Variants in TET3 observed in about 807,000 individuals in gnomAD.
The protein encoded by TET3 is methylcytosine dioxygenase TET3.
TET3 carries 19 observed loss-of-function variants against 141.4 expected under a neutral mutation model. The observed-to-expected ratio is 0.13, with a 90% CI of 0.09 to 0.20. The LOEUF is 0.20. TET3 is among the 10% of genes least tolerant of loss of function. TET3 has a pLI of 1.00. For missense variants in TET3, 1,874 were observed against 2,356.9 expected, an observed-to-expected ratio of 0.80 and a Z score of 4.24; for synonymous variants, 1,043 against 980.9, an observed-to-expected ratio of 1.06 and a Z score of -1.18.
chr2:74,046,850 T>TTC lies in TET3; in HGVS notation c.933_934insTC (p.Glu312SerfsTer34). The stretch of plus-strand genomic sequence containing the variant: ...GGCTCCCAGGGCCTCTGCCTCCTGG[T>TTC]GAGGCCGGCCTCCCAGCACCAAGCA... On this transcript the variant is annotated frameshift_variant, in exon 4 of 12. Transcript: ENST00000409262. LOFTEE classifies it high-confidence loss of function. This position sits in a 1 kb window ranked among gnomAD's most constrained non-coding sequence, Gnocchi z 4.3. 6.2e-7 allele frequency: 1 copy of TTC among 1,613,396 alleles called. No individual in the cohort carries two copies.
At chr2:74,124,017 G>T in the TET3 span, among the ~76,000 whole-genome samples, 1 of 149,630 alleles carries the variant, frequency 6.7e-6, no homozygotes, top group African/African-American at 2.5e-5. Context: ...GAGCCCCTCC[G>T]CCCGGCAGCC....
chr2:74,026,151 A>C, intron 3 of TET3, among the ~76,000 whole-genome samples: 1 of 147,134 alleles, frequency 6.8e-6, no homozygotes, highest in Non-Finnish European at 1.5e-5. Context: ...ACCCCACCCT[A>C]CCCCACCCAT....
chr2:73,988,357 C>A (rs1377784413), intron 2 of TET3, among the ~76,000 whole-genome samples: 1 of 152,158 alleles, frequency 6.6e-6, no homozygotes, highest in Non-Finnish European at 1.5e-5. Context: ...TTACTCGGTT[C>A]CTCCCATAAT....
At chr2:74,115,472 T>G in the TET3 span, among the ~76,000 whole-genome samples, 8 of 152,270 alleles carry the variant, frequency 5.3e-5, no homozygotes, top group Admixed American at 5.2e-4. Context: ...GGGGACAATG[T>G]AGACTATTCG....
chr2:74,116,177 C>T, the TET3 span, among the ~76,000 whole-genome samples: 1 of 152,096 alleles, frequency 6.6e-6, no homozygotes, highest in Admixed American at 6.5e-5. Context: ...CATGTCATCT[C>T]AGGATAGCTA....
At chr2:74,036,025 G>A (rs945903822) in intron 3 of TET3, among the ~76,000 whole-genome samples, 1 of 152,126 alleles carries the variant, frequency 6.6e-6, no homozygotes, top group African/African-American at 2.4e-5. Context: ...TCAAAAAAAA[G>A]TTCTTGCTAA....
intron 6 of TET3, among the ~76,000 whole-genome samples, chr2:74,081,729 T>C: frequency 6.6e-6 from 1 of 152,264 alleles, no homozygotes; most frequent in East Asian, 1.9e-4. Flanking sequence ...ACAACATGTG[T>C]AGGACGTATG....
In TET3 at chr2:74,107,387, G is replaced by A. The variant is rs1471551761; in HGVS notation, c.*5211G>A. 1.3e-5 allele frequency: 2 copies of A among 152,234 alleles called. No homozygotes were observed. Among genetic ancestry groups the A allele is most frequent in the Non-Finnish European group, 2.9e-5 (2 of 68,044 alleles). 9.4% of individuals were successfully genotyped at this position (152,234 alleles called of 1,614,324 possible). On this transcript the variant is annotated 3_prime_UTR_variant, in exon 12 of 12. Coordinates refer to ENST00000409262, the MANE Select transcript of TET3 (RefSeq NM_001287491.2). ...TATTCTGATATCAGGGATGCTTTTTGTAGTGGTATTGTTTGCTCCCTCTTC... is the reference window on the plus strand; with the variant it reads ...TATTCTGATATCAGGGATGCTTTTTATAGTGGTATTGTTTGCTCCCTCTTC...
In TET3 at chr2:74,094,647, C is replaced by T. The variant is rs145292697; in HGVS notation, c.3267+981C>T. ...GCAGCCATCCAGGCCAGAGGGGACA[C>T]GGCTTGGGCAGGAGTGGGGGGAGGT... On this transcript the variant is annotated intron_variant, in intron 10 of 11. Transcript: ENST00000409262. Among the ~76,000 whole-genome samples the T allele has an allele frequency of 4.4e-3, 671 of 152,010 alleles. 3 individuals are homozygous for T. Among genetic ancestry groups the T allele is most frequent in the African/African-American group, 0.015 (640 of 41,466 alleles).
In TET3 at chr2:74,047,588, T is replaced by C. The variant is rs775468990; in HGVS notation, c.1671T>C (p.Pro557=). 4 of 1,613,830 alleles carry C rather than the reference T, an allele frequency of 2.5e-6. No individual in the cohort carries two copies. The East Asian group carries it at 6.7e-5, about 27-fold the overall frequency. The change falls in exon 4 of 12, where the codon CCT becomes CCC. Residue 557 remains proline, a synonymous_variant. Transcript: ENST00000409262. ...CTGCTCCTTCAGAGCCTTCTGCTCCTGGCTGGTGGCCCCCACCAAGTTCAC... is the reference window on the plus strand; with the variant it reads ...CTGCTCCTTCAGAGCCTTCTGCTCCCGGCTGGTGGCCCCCACCAAGTTCAC... ...SFPAPSEPSA[P]GWWPPPSSPV...
At chr2:74,060,388 G>A (rs946717281) in intron 4 of TET3, among the ~76,000 whole-genome samples, 7 of 152,108 alleles carry the variant, frequency 4.6e-5, no homozygotes, top group Non-Finnish European at 7.4e-5. Context: ...CTTTATTTTG[G>A]ATATATGGGT....
intron 3 of TET3, among the ~76,000 whole-genome samples, chr2:74,035,348 C>G (rs1347064200): frequency 2.1e-5 from 3 of 146,212 alleles, no homozygotes; most frequent in Non-Finnish European, 1.5e-5. Context: ...CCTGTAATCC[C>G]AGCTACTCGG....
chr2:74,065,324 T>G (rs1179071548), intron 4 of TET3, among the ~76,000 whole-genome samples: 1 of 152,250 alleles, frequency 6.6e-6, no homozygotes, highest in Non-Finnish European at 1.5e-5. Context: ...ATTTATATAT[T>G]TAATGAGTTT....
intron 3 of TET3, among the ~76,000 whole-genome samples, chr2:74,020,703 G>C (rs992875154): frequency 5.3e-5 from 8 of 152,220 alleles, no homozygotes; most frequent in Admixed American, 3.9e-4. Flanking sequence ...TCTTGTTCAA[G>C]GGCTTGAGGG....
rs961421305 is a variant in TET3, at chr2:74,002,988, C to T, written c.304-122C>T. ...ATGGTCCCAGATAGCCTTTCTTTCC[C>T]AGGCTGTATCCCCTCCCGTTCGCCT... On this transcript the variant is annotated intron_variant, in intron 2 of 11. Coordinates refer to ENST00000409262, the MANE Select transcript of TET3 (RefSeq NM_001287491.2). 5 of 1,044,072 alleles carry T rather than the reference C, an allele frequency of 4.8e-6. No individual in the cohort carries two copies. The Admixed American group carries it at 8.4e-5, about 17-fold the overall frequency. The allele number at this position is 1,044,072 out of a possible 1,614,324, so 64.7% of individuals were successfully genotyped here.
At chr2:73,987,416 A>G (rs775411819) in intron 2 of TET3, among the ~76,000 whole-genome samples, 3 of 151,958 alleles carry the variant, frequency 2.0e-5, no homozygotes, top group Non-Finnish European at 4.4e-5. Flanking sequence ...TGGAGGAGGG[A>G]AGGAGATTTG....
rs1245494874 is a variant in TET3, at chr2:74,047,771, G to T, written c.1854G>T (p.Gln618His). 2.5e-6 allele frequency: 4 copies of T among 1,613,746 alleles called. No homozygotes were observed. In the South Asian group the frequency reaches 4.4e-5, roughly 18 times the overall value. ...QIKKSRPREA[Q>H]PLFPPVRQIV... Reference sequence around the variant, plus strand: ...AGAAGTCCAGGCCCCGGGAAGCACAGCCCCTCTTCCCACCTGTCCGACAGA... The same window carrying T: ...AGAAGTCCAGGCCCCGGGAAGCACATCCCCTCTTCCCACCTGTCCGACAGA... Residue 618 changes from glutamine (Q) to histidine (H), a missense_variant, in exon 4 of 12, where the codon CAG (glutamine) becomes CAT (histidine). Gln to His is a conservative substitution (Grantham distance 24). Coordinates refer to ENST00000409262, the MANE Select transcript of TET3 (RefSeq NM_001287491.2).
intron 3 of TET3, among the ~76,000 whole-genome samples, chr2:74,043,827 T>C (rs1163307963): frequency 6.6e-6 from 1 of 152,122 alleles, no homozygotes; most frequent in Non-Finnish European, 1.5e-5. Flanking sequence ...TGGCCTTGTC[T>C]GACAGTCTTA....
intron 3 of TET3, among the ~76,000 whole-genome samples, chr2:74,004,279 G>A (rs375624885): frequency 6.6e-6 from 1 of 152,290 alleles, no homozygotes; most frequent in Non-Finnish European, 1.5e-5. Context: ...TGGGTGAGCT[G>A]CAAGTGTCCC....
Sources: allele counts gnomAD v4.1 joint callset (sites outside exome capture counted in the v4.1 genomes callset), GRCh38; gene constraint gnomAD v4.1.1; non-coding constraint Gnocchi (gnomAD v3.1); transcripts MANE v1.5; gene names NCBI Gene and HGNC (gene_info 2026-07-23, HGNC 2026-07-21).